Variants in ABCA5 observed in about 807,000 individuals in gnomAD.
ABCA5 encodes the protein cholesterol transporter ABCA5.
ABCA5 carries 163 observed loss-of-function variants against 206.0 expected under a neutral mutation model. The observed-to-expected ratio is 0.79, with a 90% CI of 0.70 to 0.90. The LOEUF is 0.90. Among genes scored for constraint, ABCA5 ranks in the 40% least tolerant of loss-of-function variants. The pLI is 0.00. For synonymous variants in ABCA5, 609 were observed against 613.8 expected, an observed-to-expected ratio of 0.99 and a Z score of 0.11; for missense variants, 1,859 against 1,912.9, an observed-to-expected ratio of 0.97 and a Z score of 0.53.
chr17:69,309,964 T>C (rs1400765747), intron 3 of ABCA5, among the ~76,000 whole-genome samples: 6 of 152,210 alleles, frequency 3.9e-5, no homozygotes, highest in Non-Finnish European at 5.9e-5. Context: ...GTTATACTTA[T>C]GTTATAAATA....
chr17:69,280,122 G>C (rs543928597), intron 18 of ABCA5, among the ~76,000 whole-genome samples: 6 of 151,926 alleles, frequency 3.9e-5, no homozygotes, highest in African/African-American at 1.2e-4. Flanking sequence ...GAAAATGTTC[G>C]CAACCTACTC....
At chr17:69,313,699 T>A (rs760140455) in intron 2 of ABCA5, among the ~76,000 whole-genome samples, 1 of 152,284 alleles carries the variant, frequency 6.6e-6, no homozygotes, top group South Asian at 2.1e-4. Flanking sequence ...GAATTAGAAA[T>A]CATACTTTAA....
In ABCA5 at chr17:69,306,726, A is replaced by G. The variant is rs201937555; in HGVS notation, c.787T>C (p.Trp263Arg). The G allele has an allele frequency of 4.1e-5, 56 of 1,372,412 alleles. No homozygotes were observed. The East Asian group carries it at 1.2e-3, about 29-fold the overall frequency. The allele number at this position is 1,372,412 out of a possible 1,614,324, so 85.0% of individuals were successfully genotyped here. ...AGTAATAAATTTTTAATAACATACC[A>G]AAAGGCAGTATCATGAAGTCCCATT... Reference protein sequence around the residue: ...KIMGLHDTAFWLSWVLLYTSL... With the variant: ...KIMGLHDTAFRLSWVLLYTSL... The change falls in exon 6 of 39, where the codon TGG becomes CGG. Residue 263 changes from tryptophan to arginine, a missense_variant and splice_region_variant. By Grantham distance (101) the Trp-to-Arg change is moderately radical. Coordinates refer to ENST00000392676, the MANE Select transcript of ABCA5 (RefSeq NM_172232.4).
intron 35 of ABCA5, 33 bp from the exon 36 acceptor site, chr17:69,250,654 TA>T: frequency 6.8e-7 from 1 of 1,478,110 alleles, no homozygotes; most frequent in South Asian, 1.3e-5. Context: ...AGCTCAGATA[TA>T]AAATGACAGC....
chr17:69,259,317 T>G (rs1415156355), intron 28 of ABCA5, among the ~76,000 whole-genome samples: 2 of 152,026 alleles, frequency 1.3e-5, no homozygotes, highest in Non-Finnish European at 2.9e-5. Context: ...ATCCTAGCAA[T>G]TTTTCAAAGA....
chr17:69,264,535 TA>T (rs2075186528), intron 24 of ABCA5, among the ~76,000 whole-genome samples, 199 bp downstream of exon 24: 3 of 152,198 alleles, frequency 2.0e-5, no homozygotes, highest in South Asian at 4.1e-4. Flanking sequence ...GAAATTATTT[TA>T]AAATGGTGGT....
chr17:69,293,159 C>T (rs938837373), intron 11 of ABCA5, among the ~76,000 whole-genome samples: 2 of 124,902 alleles, frequency 1.6e-5, no homozygotes, highest in South Asian at 5.9e-4. Flanking sequence ...CCAGAACCAA[C>T]AGAATACACA....
intron 28 of ABCA5, among the ~76,000 whole-genome samples, chr17:69,258,503 T>G (rs2075107797): frequency 6.6e-6 from 1 of 152,056 alleles, no homozygotes; most frequent in African/African-American, 2.4e-5. Context: ...CACTTATCAG[T>G]GGATACACAT....
intron 11 of ABCA5, among the ~76,000 whole-genome samples, 182 bp downstream of exon 11, chr17:69,294,473 G>A (rs1281097019): frequency 6.6e-6 from 1 of 152,092 alleles, no homozygotes; most frequent in Non-Finnish European, 1.5e-5. Flanking sequence ...AGTGAGCCAA[G>A]AGAACGCCAC....
chr17:69,285,710 A>T (rs572547134), intron 17 of ABCA5, among the ~76,000 whole-genome samples, 188 bp downstream of exon 17: 1 of 150,894 alleles, frequency 6.6e-6, no homozygotes, highest in East Asian at 2.0e-4. Flanking sequence ...GGTGTTTGTA[A>T]AAAAAAAAAT....
In ABCA5 at chr17:69,322,401, C is replaced by T. The variant is rs185310454; in HGVS notation, c.-16+4651G>A. The stretch of plus-strand genomic sequence containing the variant: ...AAAAAAAAAAAAGTGCTGGTTACTA[C>T]GTTCCAAGTCCTACGAAACATATTC... On this transcript the variant is annotated intron_variant, in intron 1 of 38. Transcript: ENST00000392676. 2.5e-4 allele frequency among the ~76,000 whole-genome samples: 36 copies of T among 144,060 alleles called. 1 individual carries two copies. Among genetic ancestry groups the T allele is most frequent in the African/African-American group, 8.2e-4 (32 of 39,010 alleles). 94.5% of individuals were successfully genotyped at this position (144,060 alleles called of 152,430 possible).
intron 14 of ABCA5, 47 bp from the exon 15 acceptor site, chr17:69,287,798 A>C (rs944419677): frequency 1.3e-6 from 2 of 1,574,926 alleles, no homozygotes; most frequent in Non-Finnish European, 1.7e-6. Flanking sequence ...CAGAAAAACT[A>C]AATATTAAAC....
rs755101014 is a variant in ABCA5 at position 69,244,480 on chromosome 17, T to C, written c.*3057A>G. ...TATTTATTTTTCTTAAAGAGCAGCATTGAGAATTGCTTACATATATTATAA... is the reference window on the plus strand; with the variant it reads ...TATTTATTTTTCTTAAAGAGCAGCACTGAGAATTGCTTACATATATTATAA... On this transcript the variant is annotated 3_prime_UTR_variant, in exon 39 of 39. Coordinates refer to ENST00000392676, the MANE Select transcript of ABCA5 (RefSeq NM_172232.4). 2 of 151,780 alleles carry C rather than the reference T, an allele frequency of 1.3e-5. No individual in the cohort carries two copies. Among genetic ancestry groups the C allele is most frequent in the Non-Finnish European group, 2.9e-5 (2 of 67,836 alleles). The allele number at this position is 151,780 out of a possible 1,614,324, so 9.4% of individuals were successfully genotyped here.
At chr17:69,270,817 A>C (rs1040556792) in intron 21 of ABCA5, 67 bp from the exon 22 acceptor site, 1 of 1,369,078 alleles carries the variant, frequency 7.3e-7, no homozygotes. Context: ...ATATGTACCA[A>C]GCTTTTCTCA....
At chr17:69,248,179 TCC>T (rs1344967735) in intron 38 of ABCA5, 81 bp downstream of exon 38, 40 of 771,004 alleles carry the variant, frequency 5.2e-5, no homozygotes, top group Admixed American at 4.5e-4. Flanking sequence ...ACGATATCTC[TCC>T]CTCTCTAATA....
chr17:69,291,122 A>G (rs2075521464), intron 12 of ABCA5, 94 bp downstream of exon 12: 2 of 653,986 alleles, frequency 3.1e-6, no homozygotes, highest in South Asian at 3.1e-5. Context: ...ACCTTTACAG[A>G]TACAGAAGTT....
At position 69,327,028 on chromosome 17, in the gene ABCA5, C is replaced by T. The variant is rs181536324; in HGVS notation, c.-16+24G>A. The T allele has an allele frequency of 6.9e-3, 1,079 of 157,504 alleles. 37 individuals carry two copies. The highest frequency in any genetic ancestry group is 0.058 in the Admixed American group (886 of 15,338). 9.8% of individuals were successfully genotyped at this position (157,504 alleles called of 1,614,324 possible). A position where few individuals can be genotyped will look rare whatever the true frequency, so the allele number is the denominator to read the frequency against. On this transcript the variant is annotated intron_variant, in intron 1 of 38. Transcript: ENST00000392676. ...GTCCCAGGCTAGCCTCAAGCGCCGC[C>T]GCCGCCCGCGACGCCCGCCTCACCT...
Position 69,285,962 on chromosome 17 carries a change from T to TA in ABCA5, c.2207dup (p.Leu736PhefsTer6), listed in dbSNP as rs1567767264. On this transcript the variant is annotated frameshift_variant, in exon 17 of 39. Transcript: ENST00000392676. LOFTEE classifies it high-confidence loss of function. ...CAAGTTGTTGGTCATTCTGTTGTAA[T>TA]AAAGTAGCTCCAGGTATATGTTGTT... 6.2e-7 allele frequency: 1 copy of TA among 1,613,304 alleles called. No individual in the cohort carries two copies. Among genetic ancestry groups the TA allele is most frequent in the Admixed American group, 1.7e-5 (1 of 59,984 alleles).
chr17:69,253,357 C>T (rs995855399), intron 34 of ABCA5, among the ~76,000 whole-genome samples: 3 of 151,958 alleles, frequency 2.0e-5, no homozygotes, highest in African/African-American at 7.3e-5. Flanking sequence ...ATTTCTGTTT[C>T]GGAATATGTA....
Sources: gnomAD v4.1 joint callset for allele counts (sites outside exome capture counted in the v4.1 genomes callset) on GRCh38, gnomAD v4.1.1 for gene constraint, MANE v1.5 for transcripts, NCBI Gene and HGNC (gene_info 2026-07-23, HGNC 2026-07-21) for gene names.